CADPS2: variants seen among roughly 807,000 people sequenced by gnomAD.
CADPS2 encodes calcium dependent secretion activator 2, also known as calcium-dependent secretion activator 2.
A neutral mutation model predicts 172.5 loss-of-function variants in CADPS2; 93 were observed. That is an observed-to-expected ratio of 0.54 (90% confidence interval 0.46 to 0.64). CADPS2 has a LOEUF of 0.64. Ranked by LOEUF, CADPS2 falls within the 30% of genes least tolerant of loss-of-function variation. The probability of loss-of-function intolerance (pLI) is 0.00; values close to 1 mark genes in which losing one functional copy is unlikely to be tolerated. For missense variants in CADPS2, 1,420 were observed against 1,565.9 expected, an observed-to-expected ratio of 0.91 and a Z score of 1.57; for synonymous variants, 546 against 555.2, an observed-to-expected ratio of 0.98 and a Z score of 0.23.
chr7:122,342,478 A>G (rs2036929153), intron 28 of CADPS2, among the ~76,000 whole-genome samples: 1 of 152,226 alleles, frequency 6.6e-6, no homozygotes. Context: ...ACACTCAGGG[A>G]AAGTTCCACA....
chr7:122,351,180 C>A (rs1364429823), intron 27 of CADPS2, among the ~76,000 whole-genome samples: 1 of 151,030 alleles, frequency 6.6e-6, no homozygotes, highest in East Asian at 2.0e-4. Flanking sequence ...TCCTGGCTAA[C>A]ACGGTGTGTT....
intron 14 of CADPS2, among the ~76,000 whole-genome samples, chr7:122,459,439 A>G (rs2054185232): frequency 2.0e-5 from 3 of 152,144 alleles, no homozygotes; most frequent in Admixed American, 2.0e-4. Flanking sequence ...TACATATTGC[A>G]AAGTTGGTTT....
chr7:122,703,683 C>T (rs185927409), intron 2 of CADPS2, among the ~76,000 whole-genome samples: 26 of 152,150 alleles, frequency 1.7e-4, no homozygotes, highest in African/African-American at 5.5e-4. Context: ...AGGGAGGTGA[C>T]AAATGTGTTT....
chr7:122,603,637 C>T (rs1466397480), intron 6 of CADPS2, among the ~76,000 whole-genome samples: 1 of 152,052 alleles, frequency 6.6e-6, no homozygotes, highest in African/African-American at 2.4e-5. Flanking sequence ...CAGACTCAAA[C>T]AGATATAAAT....
chr7:122,718,122 C>T (rs140999095), intron 2 of CADPS2, among the ~76,000 whole-genome samples: 264 of 151,274 alleles, frequency 1.7e-3, no homozygotes, highest in African/African-American at 5.7e-3. Context: ...TGAGCCACCA[C>T]GCCTGGCCCC....
intron 29 of CADPS2, 111 bp from the exon 30 acceptor site, chr7:122,320,449 C>G: frequency 1.4e-6 from 1 of 739,092 alleles, no homozygotes; most frequent in Non-Finnish European, 2.0e-6. Flanking sequence ...CTGATAGGTT[C>G]ATGTGGCTGT....
In CADPS2 at chr7:122,345,690, A is replaced by T. The variant is rs565464129; in HGVS notation, c.3505-9T>A. The T allele has an allele frequency of 6.4e-7, 1 of 1,552,674 alleles. No individual in the cohort carries two copies. The highest frequency in any genetic ancestry group is 1.4e-5 in the African/African-American group (1 of 73,508). Reference sequence around the variant, plus strand: ...AGATCCATTCCTGGTTTCTGTTGTGAAGGAAAAGCAGGGGGAACAAAATAA... The same window carrying T: ...AGATCCATTCCTGGTTTCTGTTGTGTAGGAAAAGCAGGGGGAACAAAATAA... On this transcript the variant is annotated splice_polypyrimidine_tract_variant and intron_variant, in intron 27 of 29. Coordinates refer to ENST00000449022, the MANE Select transcript of CADPS2 (RefSeq NM_017954.11).
chr7:122,766,724 T>C (rs2093561502), intron 1 of CADPS2, among the ~76,000 whole-genome samples: 6 of 152,148 alleles, frequency 3.9e-5, no homozygotes. Context: ...TTTTAAAACT[T>C]TGTAGAACAC....
chr7:122,624,902 C>A (rs1051433814), intron 4 of CADPS2, among the ~76,000 whole-genome samples: 2 of 152,062 alleles, frequency 1.3e-5, no homozygotes, highest in African/African-American at 4.8e-5. Flanking sequence ...GATAGAAAGT[C>A]ATAAGTGGCA....
intron 14 of CADPS2, among the ~76,000 whole-genome samples, chr7:122,464,978 T>C (rs560759815): frequency 1.8e-3 from 271 of 152,310 alleles, no homozygotes; most frequent in Middle Eastern, 0.014. Flanking sequence ...GAAAACTCTA[T>C]GCACTCTTTT....
At chr7:122,375,178 A>T (rs1358163503) in intron 25 of CADPS2, among the ~76,000 whole-genome samples, 5 of 152,050 alleles carry the variant, frequency 3.3e-5, no homozygotes, top group African/African-American at 1.2e-4. Context: ...CATTTTTTTT[A>T]AAGTAACAGA....
chr7:122,537,344 C>T (rs1287484541), intron 8 of CADPS2, among the ~76,000 whole-genome samples: 1 of 149,742 alleles, frequency 6.7e-6, no homozygotes, highest in Admixed American at 6.7e-5. Flanking sequence ...AGAAGCACTA[C>T]ATAACAGAGG....
chr7:122,579,256 T>C (rs1047681404), intron 7 of CADPS2, among the ~76,000 whole-genome samples: 12 of 151,898 alleles, frequency 7.9e-5, no homozygotes, highest in African/African-American at 1.7e-4. Context: ...AGACATTTTT[T>C]ATTTGACTAG....
intron 2 of CADPS2, among the ~76,000 whole-genome samples, chr7:122,675,073 T>C (rs907337731): frequency 1.3e-5 from 2 of 152,200 alleles, no homozygotes; most frequent in African/African-American, 4.8e-5. Flanking sequence ...TCATACGTGT[T>C]GTAATCCAAA....
intron 2 of CADPS2, among the ~76,000 whole-genome samples, chr7:122,666,923 T>G (rs755708767): frequency 2.6e-5 from 4 of 152,134 alleles, no homozygotes; most frequent in Non-Finnish European, 5.9e-5. Context: ...GGTGAACTAC[T>G]CTGCCATGCA....
At chr7:122,705,605 T>G (rs1406064994) in intron 2 of CADPS2, among the ~76,000 whole-genome samples, 1 of 107,122 alleles carries the variant, frequency 9.3e-6, no homozygotes, top group Non-Finnish European at 1.7e-5. Context: ...TTTTATATAT[T>G]ATATAACATT....
chr7:122,703,632 T>C (rs540430524), intron 2 of CADPS2, among the ~76,000 whole-genome samples: 1 of 152,298 alleles, frequency 6.6e-6, no homozygotes, highest in South Asian at 2.1e-4. Context: ...TTTTGGATGA[T>C]GTCCCAAGGA....
chr7:122,725,881 G>A lies in CADPS2; in HGVS notation c.453+11074C>T, dbSNP rs1241388047. Among the ~76,000 whole-genome samples, 22 of 151,782 alleles carry A rather than the reference G, an allele frequency of 1.4e-4. No individual in the cohort carries two copies. In the Admixed American group the frequency reaches 1.4e-3, roughly 10 times the overall value. On this transcript the variant is annotated intron_variant, in intron 2 of 29. Transcript: ENST00000449022. ...CTTAAGAGCAAGGTAGAACCAACAC[G>A]CCCTGCAGGACGCCTGGATGACACC...
At chr7:122,439,200 C>T (rs936834222) in intron 16 of CADPS2, among the ~76,000 whole-genome samples, 1 of 152,072 alleles carries the variant, frequency 6.6e-6, no homozygotes, top group African/African-American at 2.4e-5. Flanking sequence ...GCAATTACAT[C>T]CAGAATTCAA....
Sources: gnomAD v4.1 joint callset for allele counts (sites outside exome capture counted in the v4.1 genomes callset) on GRCh38, gnomAD v4.1.1 for gene constraint, MANE v1.5 for transcripts, NCBI Gene and HGNC (gene_info 2026-07-23, HGNC 2026-07-21) for gene names.